The following TAFA1 variants were observed in gnomAD, a reference collection of about 807,000 sequenced individuals.
TAFA1 encodes TAFA chemokine like family member 1.
Under a neutral mutation model 18.5 loss-of-function variants are expected in TAFA1, and 4 were observed. That is an observed-to-expected ratio of 0.22 (90% CI 0.11 to 0.49). TAFA1 has a LOEUF of 0.49. Among genes scored for constraint, TAFA1 ranks in the 20% least tolerant of loss-of-function variants. TAFA1 has a pLI of 0.98. For synonymous variants in TAFA1, 56 were observed against 55.2 expected (o/e 1.01, Z -0.06); for missense variants, 147 against 169.0 (o/e 0.87, Z 0.72).
At chr3:68,172,246 C>A (rs1024542388) in intron 2 of TAFA1, among the ~76,000 whole-genome samples, 8 of 152,148 alleles carry the variant, frequency 5.3e-5, no homozygotes, top group Non-Finnish European at 1.2e-4. Context: ...CCCAATAAGA[C>A]TAACAGATGA....
intron 2 of TAFA1, among the ~76,000 whole-genome samples, chr3:68,046,325 C>T (rs902797344): frequency 6.6e-6 from 1 of 152,024 alleles, no homozygotes; most frequent in South Asian, 2.1e-4. Flanking sequence ...AATAATTTAT[C>T]CTTAAAGCAA....
chr3:68,214,544 A>T (rs2066632184), intron 2 of TAFA1, among the ~76,000 whole-genome samples: 1 of 152,036 alleles, frequency 6.6e-6, no homozygotes, highest in Non-Finnish European at 1.5e-5. Flanking sequence ...GTTCACAGAG[A>T]CCAGAGTTCA....
intron 3 of TAFA1, among the ~76,000 whole-genome samples, chr3:68,535,335 C>G (rs946270599): frequency 2.0e-5 from 3 of 151,364 alleles, no homozygotes; most frequent in South Asian, 2.1e-4. Flanking sequence ...AAGAATCTTC[C>G]TTTACTTCCT....
At chr3:68,223,178 A>G (rs1300965096) in intron 2 of TAFA1, among the ~76,000 whole-genome samples, 1 of 152,136 alleles carries the variant, frequency 6.6e-6, no homozygotes, top group African/African-American at 2.4e-5. Flanking sequence ...GATTTCCTTG[A>G]GGGCCTATTA....
At chr3:68,329,941 C>T (rs1575781684) in intron 2 of TAFA1, among the ~76,000 whole-genome samples, 1 of 152,206 alleles carries the variant, frequency 6.6e-6, no homozygotes, top group Non-Finnish European at 1.5e-5. Flanking sequence ...GACCAAACCC[C>T]AAGTCAAGCT....
chr3:68,048,010 C>A (rs971036297), intron 2 of TAFA1, among the ~76,000 whole-genome samples: 1 of 152,172 alleles, frequency 6.6e-6, no homozygotes, highest in African/African-American at 2.4e-5. Context: ...GGAACCCAAG[C>A]TTAATTGTAG....
chr3:68,076,027 C>T (rs1376632784), intron 2 of TAFA1, among the ~76,000 whole-genome samples: 2 of 152,156 alleles, frequency 1.3e-5, no homozygotes, highest in Admixed American at 1.3e-4. Context: ...AAAAAGAAAT[C>T]CATCCCAATC....
chr3:68,161,003 A>G (rs1049753948), intron 2 of TAFA1, among the ~76,000 whole-genome samples: 1 of 152,232 alleles, frequency 6.6e-6, no homozygotes, highest in Non-Finnish European at 1.5e-5. Flanking sequence ...CTATCCATTT[A>G]GATCCACATC....
intron 2 of TAFA1, among the ~76,000 whole-genome samples, chr3:68,188,590 A>G (rs970405916): frequency 5.3e-5 from 8 of 151,268 alleles, no homozygotes. Context: ...ATTTATAACA[A>G]TTTGAAACTA....
chr3:68,257,602 C>T (rs567635538), intron 2 of TAFA1, among the ~76,000 whole-genome samples: 35 of 152,180 alleles, frequency 2.3e-4, no homozygotes, highest in African/African-American at 7.9e-4. Flanking sequence ...CTCACAATAA[C>T]CTTTTGAGTT....
chr3:68,383,866 G>A (rs889735327), intron 2 of TAFA1, among the ~76,000 whole-genome samples: 8 of 152,118 alleles, frequency 5.3e-5, no homozygotes, highest in African/African-American at 1.9e-4. Flanking sequence ...CTCATTATTG[G>A]TCTATTCAGG....
intron 2 of TAFA1, among the ~76,000 whole-genome samples, chr3:68,177,611 C>G (rs1313723803): frequency 6.6e-6 from 1 of 152,104 alleles, no homozygotes; most frequent in Admixed American, 6.5e-5. Flanking sequence ...AGTGTAGTCC[C>G]AATCTAAATA....
At chr3:68,057,202 T>C (rs1205783686) in intron 2 of TAFA1, among the ~76,000 whole-genome samples, 1 of 152,220 alleles carries the variant, frequency 6.6e-6, no homozygotes, top group Non-Finnish European at 1.5e-5. Flanking sequence ...GTTTGTAGAT[T>C]TGGCAGTGTG....
At chr3:68,092,410 G>T (rs182118853) in intron 2 of TAFA1, among the ~76,000 whole-genome samples, 5 of 152,046 alleles carry the variant, frequency 3.3e-5, no homozygotes, top group African/African-American at 4.8e-5. Context: ...AGAGAAAAAG[G>T]TTCTGAGAAG....
At chr3:68,375,720 G>T (rs1378382165) in intron 2 of TAFA1, among the ~76,000 whole-genome samples, 1 of 152,090 alleles carries the variant, frequency 6.6e-6, no homozygotes, top group Non-Finnish European at 1.5e-5. Context: ...TGTTCTCTGT[G>T]TATCAGGCTC....
At chr3:68,022,458 T>C (rs528777358) in intron 2 of TAFA1, among the ~76,000 whole-genome samples, 3 of 152,222 alleles carry the variant, frequency 2.0e-5, no homozygotes, top group East Asian at 1.9e-4. Context: ...TCCATCCTTC[T>C]TTCCTTTCTT....
intron 2 of TAFA1, among the ~76,000 whole-genome samples, chr3:68,368,856 T>A (rs936618928): frequency 1.3e-5 from 2 of 152,226 alleles, no homozygotes; most frequent in African/African-American, 2.4e-5. Flanking sequence ...AAGAATGTAT[T>A]CTGAATTCGT....
At chr3:68,381,471 G>A (rs189754447) in intron 2 of TAFA1, among the ~76,000 whole-genome samples, 4,580 of 152,182 alleles carry the variant, frequency 0.03, 94 homozygotes, top group East Asian at 0.092. Context: ...AGTTCTCCTT[G>A]AAGAGGTCCT....
At chr3:68,115,558 T>C (rs2065314978) in intron 2 of TAFA1, among the ~76,000 whole-genome samples, 1 of 152,048 alleles carries the variant, frequency 6.6e-6, no homozygotes, top group South Asian at 2.1e-4. Flanking sequence ...ATGGAACAGG[T>C]TGAGGTTTTG....
Sources: gnomAD v4.1 joint callset for allele counts (sites outside exome capture counted in the v4.1 genomes callset) on GRCh38, gnomAD v4.1.1 for gene constraint, MANE v1.5 for transcripts, NCBI Gene and HGNC (gene_info 2026-07-23, HGNC 2026-07-21) for gene names.